Variants in ADAMTS18 observed in about 807,000 individuals in gnomAD.
ADAMTS18 encodes the protein A disintegrin and metalloproteinase with thrombospondin motifs 18.
In ADAMTS18, 157 loss-of-function variants were observed where a neutral mutation model predicts 165.9. The ratio of observed to expected loss-of-function variants is 0.95; its 90% CI spans 0.83 to 1.08. The LOEUF (loss-of-function observed/expected upper bound fraction) is 1.08. Ranked by LOEUF, ADAMTS18 falls within the 50% of genes least tolerant of loss-of-function variation. The pLI, the probability that ADAMTS18 is intolerant of heterozygous loss-of-function variation, is 0.00. For synonymous variants in ADAMTS18, 782 were observed against 578.2 expected, an observed-to-expected ratio of 1.35 and a Z score of -5.06; for missense variants, 2,040 against 1,534.0, an observed-to-expected ratio of 1.33 and a Z score of -5.51.
At chr16:77,292,952 T>TCAGACTA (rs2144570259) in intron 20 of ADAMTS18, 124 bp downstream of exon 20, 4 of 1,186,358 alleles carry the variant, frequency 3.4e-6, no homozygotes, top group East Asian at 5.0e-5. Context: ...CCCCAGTAGA[T>TCAGACTA]CAGACTACAG....
chr16:77,291,043 A>T, intron 21 of ADAMTS18: 1 of 511,552 alleles, frequency 2.0e-6, no homozygotes, highest in Non-Finnish European at 3.5e-6. Flanking sequence ...AACAAAAACA[A>T]ATCAACTCTC....
chr16:77,418,138 T>C (rs2057554070), intron 3 of ADAMTS18, among the ~76,000 whole-genome samples: 1 of 152,198 alleles, frequency 6.6e-6, no homozygotes, highest in Non-Finnish European at 1.5e-5. Flanking sequence ...TACACATCTA[T>C]TAAAACATTC....
At chr16:77,289,226 A>T in intron 22 of ADAMTS18, 38 bp downstream of exon 22, 1 of 1,612,954 alleles carries the variant, frequency 6.2e-7, no homozygotes, top group East Asian at 2.2e-5. Context: ...AATTATCTAA[A>T]GACTAGTAAA....
intron 20 of ADAMTS18, among the ~76,000 whole-genome samples, chr16:77,292,104 A>C (rs1446151331): frequency 6.6e-6 from 1 of 152,120 alleles, no homozygotes; most frequent in Non-Finnish European, 1.5e-5. Context: ...CCAGGAGTTC[A>C]AGACCAGCCT....
chr16:77,351,314 T>C (rs911875343), intron 10 of ADAMTS18, among the ~76,000 whole-genome samples: 1 of 152,178 alleles, frequency 6.6e-6, no homozygotes, highest in African/African-American at 2.4e-5. Flanking sequence ...GACTCAATCT[T>C]TTATTTTGGA....
intron 3 of ADAMTS18, among the ~76,000 whole-genome samples, chr16:77,411,415 A>G (rs2057461006): frequency 6.6e-6 from 1 of 152,190 alleles, no homozygotes; most frequent in Admixed American, 6.5e-5. Context: ...TTGGCGCTTG[A>G]GACATATTTC....
chr16:77,373,908 T>G (rs1363836966), intron 3 of ADAMTS18, among the ~76,000 whole-genome samples: 1 of 152,098 alleles, frequency 6.6e-6, no homozygotes, highest in East Asian at 1.9e-4. Flanking sequence ...ATGCCACTTG[T>G]TATCAGCTAG....
intron 3 of ADAMTS18, among the ~76,000 whole-genome samples, chr16:77,380,519 A>G (rs966688543): frequency 6.6e-6 from 1 of 152,234 alleles, no homozygotes; most frequent in Non-Finnish European, 1.5e-5. Flanking sequence ...AAGAGTATGT[A>G]CCTCTAAGAA....
intron 13 of ADAMTS18, among the ~76,000 whole-genome samples, chr16:77,325,005 A>G (rs1436834153): frequency 6.6e-6 from 1 of 152,192 alleles, no homozygotes; most frequent in Non-Finnish European, 1.5e-5. Context: ...TTCGATTTGG[A>G]GGCTCTACTT....
At chr16:77,413,513 C>T (rs1310306818) in intron 3 of ADAMTS18, among the ~76,000 whole-genome samples, 2 of 152,084 alleles carry the variant, frequency 1.3e-5, no homozygotes, top group East Asian at 3.9e-4. Context: ...TAAATGTGAC[C>T]TCAAGTCAGA....
At chr16:77,301,039 C>T (rs943016200) in intron 16 of ADAMTS18, among the ~76,000 whole-genome samples, 2 of 152,076 alleles carry the variant, frequency 1.3e-5, no homozygotes, top group East Asian at 3.9e-4. Flanking sequence ...CTAGGATGAG[C>T]AGATAAGAAG....
intron 10 of ADAMTS18, among the ~76,000 whole-genome samples, chr16:77,342,479 C>A (rs571530072): frequency 6.7e-6 from 1 of 149,348 alleles, no homozygotes; most frequent in Non-Finnish European, 1.5e-5. Context: ...ACTGTAGAGA[C>A]AGATTCTTGC....
At chr16:77,308,144 C>T (rs1018171388) in intron 16 of ADAMTS18, among the ~76,000 whole-genome samples, 2 of 150,942 alleles carry the variant, frequency 1.3e-5, no homozygotes, top group African/African-American at 2.4e-5. Flanking sequence ...TAAACGCCCT[C>T]TTCTTCTGCT....
intron 3 of ADAMTS18, among the ~76,000 whole-genome samples, chr16:77,400,444 G>GTC (rs2057311784): frequency 1.2e-5 from 1 of 80,600 alleles, no homozygotes; most frequent in Non-Finnish European, 3.3e-5. Flanking sequence ...GTGTGTGTGT[G>GTC]TGTGTGTGTG....
At chr16:77,415,185 C>A (rs775603347) in intron 3 of ADAMTS18, among the ~76,000 whole-genome samples, 1 of 152,210 alleles carries the variant, frequency 6.6e-6, no homozygotes, top group Admixed American at 6.5e-5. Flanking sequence ...TTGCCCATTG[C>A]GTCTACCTGT....
At chr16:77,350,397 T>C (rs996302383) in intron 10 of ADAMTS18, among the ~76,000 whole-genome samples, 3 of 152,136 alleles carry the variant, frequency 2.0e-5, no homozygotes, top group Admixed American at 6.6e-5. Context: ...GTGGTGATGA[T>C]GCTGAAGACA....
At chr16:77,365,441 T>A (rs1484312333) in intron 4 of ADAMTS18, among the ~76,000 whole-genome samples, 1 of 152,202 alleles carries the variant, frequency 6.6e-6, no homozygotes, top group Non-Finnish European at 1.5e-5. Context: ...GACTTTAACA[T>A]AGCACATAAG....
intron 3 of ADAMTS18, among the ~76,000 whole-genome samples, chr16:77,401,830 A>T (rs974779450): frequency 1.3e-5 from 2 of 152,170 alleles, no homozygotes; most frequent in African/African-American, 4.8e-5. Flanking sequence ...TTTCTTGAGC[A>T]AGGATATCCA....
intron 3 of ADAMTS18, among the ~76,000 whole-genome samples, chr16:77,398,891 G>T (rs1006298230): frequency 6.6e-6 from 1 of 152,168 alleles, no homozygotes; most frequent in African/African-American, 2.4e-5. Context: ...GCACCTAGAT[G>T]TTTGGGTGGG....
Sources: gnomAD v4.1 joint callset for allele counts (sites outside exome capture counted in the v4.1 genomes callset) on GRCh38, gnomAD v4.1.1 for gene constraint, MANE v1.5 for transcripts, NCBI Gene and HGNC (gene_info 2026-07-23, HGNC 2026-07-21) for gene names.